Variants in LIN28B observed in about 807,000 individuals in gnomAD.
LIN28B encodes lin-28 RNA binding posttranscriptional regulator B.
LIN28B carries 5 observed loss-of-function variants against 21.9 expected under a neutral mutation model. The observed-to-expected ratio is 0.23, with a 90% CI of 0.12 to 0.48. LIN28B has a LOEUF of 0.48. Ranked by LOEUF, LIN28B falls within the 20% of genes least tolerant of loss-of-function variation. The pLI is 0.98. For missense variants in LIN28B, 245 were observed against 310.5 expected (o/e 0.79, Z 1.58); for synonymous variants, 109 against 111.3 (o/e 0.98, Z 0.13).
Position 105,078,996 on chromosome 6 carries a change from C to T in LIN28B, c.*213C>T. ...TAATTCAGAGAATAAGATACTATGT[C>T]TGTCAATATGTGCATGTGTGAGAGG... is the stretch of plus-strand genomic sequence containing the variant. On this transcript the variant is annotated 3_prime_UTR_variant, in exon 4 of 4. Transcript: ENST00000345080. 4 of 543,350 alleles carry T rather than the reference C, an allele frequency of 7.4e-6. No homozygotes were observed. Among genetic ancestry groups the T allele is most frequent in the Non-Finnish European group, 1.3e-5 (4 of 308,850 alleles). The allele number at this position is 543,350 out of a possible 1,614,324, so 33.7% of individuals were successfully genotyped here. A position where few individuals can be genotyped will look rare whatever the true frequency, so the allele number is the denominator to read the frequency against.
chr6:105,007,397 G>A (rs1383869451), intron 2 of LIN28B, among the ~76,000 whole-genome samples: 1 of 152,210 alleles, frequency 6.6e-6, no homozygotes, highest in African/African-American at 2.4e-5. Flanking sequence ...TGCATCACTG[G>A]CAATGTTTAA....
chr6:104,956,911 A>C (rs1218643645), upstream of LIN28B: 1 of 386,698 alleles, frequency 2.6e-6, no homozygotes, highest in Non-Finnish European at 4.5e-6. Context: ...AATTGTCTTT[A>C]AGATAACATG....
chr6:105,036,958 TTAAG>T (rs66702403), intron 3 of LIN28B, among the ~76,000 whole-genome samples: 82,194 of 151,628 alleles, frequency 0.54, 25,271 homozygotes, highest in East Asian at 0.82. Context: ...GCCTCTAATA[TTAAG>T]TATGTAGATG....
At position 104,958,159 on chromosome 6, in the gene LIN28B, A is replaced by T. The variant is rs752284407; in HGVS notation, c.71A>T (p.Glu24Val). The change falls in exon 2 of 4, where the codon GAA becomes GTA. Residue 24 changes from glutamate to valine, a missense_variant. Glu to Val is a moderately radical substitution (Grantham distance 121). Transcript: ENST00000345080. ...PGKLPEPAEE[E>V]SQVLRGTGHC... Reference sequence around the variant, plus strand: ...AAGCTGCCGGAGCCGGCAGAGGAGGAATCCCAGGTTTTGCGCGGAACTGGC... The same window carrying T: ...AAGCTGCCGGAGCCGGCAGAGGAGGTATCCCAGGTTTTGCGCGGAACTGGC... 16 of 1,607,206 alleles carry T rather than the reference A, an allele frequency of 1.0e-5. No homozygotes were observed. In the East Asian group the frequency reaches 3.4e-4, roughly 34 times the overall value.
intron 2 of LIN28B, among the ~76,000 whole-genome samples, chr6:105,018,240 T>C (rs1055308350): frequency 3.3e-5 from 5 of 152,208 alleles, no homozygotes; most frequent in Non-Finnish European, 7.3e-5. Context: ...TGAGCTGTGA[T>C]TATGCTACTG....
In LIN28B at chr6:104,958,115, T is replaced by C; in HGVS notation, c.27T>C (p.Gly9=). The C allele has an allele frequency of 6.3e-7, 1 of 1,592,848 alleles. No homozygotes were observed. The highest frequency in any genetic ancestry group is 8.6e-7 in the Non-Finnish European group (1 of 1,165,900). Residue 9 remains glycine (G), a synonymous_variant, in exon 2 of 4, where the codon GGT becomes GGC. Transcript: ENST00000345080. The part of the protein sequence containing the change: MAEGGASK[G]GGEEPGKLPE... ...CCTTCTCAGGCGGGGCTAGCAAAGG[T>C]GGTGGAGAAGAGCCCGGGAAGCTGC...
intron 2 of LIN28B, among the ~76,000 whole-genome samples, chr6:104,938,371 G>A (rs1778036955): frequency 6.6e-6 from 1 of 152,136 alleles, no homozygotes; most frequent in East Asian, 1.9e-4. Context: ...CAGGCATGGT[G>A]GATCACGCCT....
chr6:104,946,892 G>A (rs1368931255), intron 2 of LIN28B, among the ~76,000 whole-genome samples: 1 of 152,030 alleles, frequency 6.6e-6, no homozygotes, highest in East Asian at 1.9e-4. Context: ...TTTTTAAAAT[G>A]TTGAAAAATT....
chr6:105,067,776 A>G (rs932327732), intron 3 of LIN28B, among the ~76,000 whole-genome samples: 2 of 152,206 alleles, frequency 1.3e-5, no homozygotes, highest in Non-Finnish European at 2.9e-5. Context: ...CACAGAATCT[A>G]CCAAGTACTT....
intron 3 of LIN28B, among the ~76,000 whole-genome samples, chr6:105,065,756 C>T (rs139708040): frequency 2.0e-3 from 304 of 152,302 alleles, no homozygotes; most frequent in African/African-American, 6.3e-3. Flanking sequence ...TTAAATCATA[C>T]CAGGCACTGT....
At chr6:105,032,141 T>C (rs960286552) in intron 3 of LIN28B, among the ~76,000 whole-genome samples, 1 of 152,226 alleles carries the variant, frequency 6.6e-6, no homozygotes, top group Admixed American at 6.5e-5. Context: ...TATTCCATTT[T>C]ATAGCTATAA....
At position 104,964,658 on chromosome 6, in the gene LIN28B, A is replaced by G. The variant is rs1769820548; in HGVS notation, c.198+6372A>G. ...GCATCTTCTAATATCATAAAAGTTG[A>G]TAACAGTAATGTGTTTAAGAAAGTA... On this transcript the variant is annotated intron_variant, in intron 2 of 3. Transcript: ENST00000345080. 4.6e-5 allele frequency among the ~76,000 whole-genome samples: 7 copies of G among 152,338 alleles called. No individual in the cohort carries two copies. The South Asian group carries it at 1.5e-3, about 32-fold the overall frequency.
intron 2 of LIN28B, among the ~76,000 whole-genome samples, chr6:104,989,576 GTTTTT>G (rs34394074): frequency 1.7e-4 from 10 of 60,594 alleles, no homozygotes; most frequent in Non-Finnish European, 1.5e-4. Context: ...TTTTACTTGG[GTTTTT>G]TTTTTTTTTT....
chr6:105,016,482 G>A (rs1311741010), intron 2 of LIN28B, among the ~76,000 whole-genome samples: 2 of 152,292 alleles, frequency 1.3e-5, no homozygotes, highest in Admixed American at 6.5e-5. Flanking sequence ...TAAGCATTAT[G>A]ATAGACAAGG....
chr6:104,981,508 T>C (rs1358441805), intron 2 of LIN28B, among the ~76,000 whole-genome samples: 1 of 152,204 alleles, frequency 6.6e-6, no homozygotes, highest in Non-Finnish European at 1.5e-5. Flanking sequence ...CCTTTTATTA[T>C]AAACTTTTAA....
At chr6:105,050,229 T>C (rs1771869925) in intron 3 of LIN28B, among the ~76,000 whole-genome samples, 1 of 152,226 alleles carries the variant, frequency 6.6e-6, no homozygotes, top group Non-Finnish European at 1.5e-5. Context: ...TTTGCTTCTC[T>C]GTAAAGTATT....
At chr6:105,021,679 AT>A (rs1771144362) in intron 2 of LIN28B, among the ~76,000 whole-genome samples, 1 of 151,956 alleles carries the variant, frequency 6.6e-6, no homozygotes, top group South Asian at 2.1e-4. Context: ...TTTGCTCACT[AT>A]TTTTGTTGTT....
intron 1 of LIN28B, 35 bp downstream of exon 1, chr6:104,957,295 T>A: frequency 6.6e-7 from 1 of 1,509,218 alleles, no homozygotes. Context: ...ACTGTGAATT[T>A]CTTTCTTCTT....
At chr6:104,944,655 A>G (rs796731707) in intron 2 of LIN28B, among the ~76,000 whole-genome samples, 26 of 152,262 alleles carry the variant, frequency 1.7e-4, no homozygotes, top group African/African-American at 6.3e-4. Context: ...TGTGCTCTAC[A>G]TTATATGAAA....
Sources: gnomAD v4.1 joint callset for allele counts (sites outside exome capture counted in the v4.1 genomes callset) on GRCh38, gnomAD v4.1.1 for gene constraint, MANE v1.5 for transcripts, NCBI Gene and HGNC (gene_info 2026-07-23, HGNC 2026-07-21) for gene names.